The following TNXB variants were observed in gnomAD, a reference collection of about 807,000 sequenced individuals.
TNXB encodes tenascin XB, also known as tenascin-X.
TNXB carries 183 observed loss-of-function variants against 340.5 expected under a neutral mutation model. The observed-to-expected ratio is 0.54, with a 90% CI of 0.48 to 0.61. The LOEUF (loss-of-function observed/expected upper bound fraction) is 0.61. Ranked by LOEUF, TNXB falls within the 20% of genes least tolerant of loss-of-function variation. TNXB has a pLI of 0.00. For synonymous variants in TNXB, 2,121 were observed against 2,314.5 expected, an observed-to-expected ratio of 0.92 and a Z score of 2.40; for missense variants, 4,613 against 5,446.4, an observed-to-expected ratio of 0.85 and a Z score of 4.82.
chr6:32,092,699 A>C (rs1357454170), intron 4 of TNXB, among the ~76,000 whole-genome samples: 4 of 152,042 alleles, frequency 2.6e-5, no homozygotes, highest in African/African-American at 9.7e-5. Flanking sequence ...TCAAAAAAAA[A>C]AAAAAAGAAA....
Position 32,100,780 on chromosome 6 carries a change from CATT to C in TNXB, c.-8-2577_-8-2575del, listed in dbSNP as rs576805151. Among the ~76,000 whole-genome samples, 15 of 151,898 alleles carry C rather than the reference CATT, an allele frequency of 9.9e-5. No homozygotes were observed. In the East Asian group the frequency reaches 2.5e-3, roughly 25 times the overall value. ...AAAATTTCAGGTCATCAAATTACAT[CATT>C]AAGAGAATAAGAAGGCAGCTGGGTG... On this transcript the variant is annotated intron_variant, in intron 1 of 43. Transcript: ENST00000644971.
intron 1 of TNXB, among the ~76,000 whole-genome samples, chr6:32,106,271 AG>A (rs918936043): frequency 1.8e-4 from 28 of 151,906 alleles, no homozygotes; most frequent in Non-Finnish European, 2.8e-4. Flanking sequence ...GAAAGGTGGT[AG>A]GGGGGTCCCA....
At position 32,079,058 on chromosome 6, in the gene TNXB, G is replaced by A; in HGVS notation, c.4350C>T (p.Gly1450=). 1 of 1,612,874 alleles carries A rather than the reference G, an allele frequency of 6.2e-7. No individual in the cohort carries two copies. Among genetic ancestry groups the A allele is most frequent in the Non-Finnish European group, 8.5e-7 (1 of 1,179,596 alleles). Residue 1450 remains glycine (G), a synonymous_variant, in exon 11 of 44, where the codon GGC becomes GGT. Coordinates refer to ENST00000644971, the MANE Select transcript of TNXB (RefSeq NM_001365276.2). The surrounding 1 kb of genome is among the most constrained non-coding windows in gnomAD (Gnocchi z 7.1). ...LYGLHEGQRV[G]PVSAVGVTAP... ...CTGTCACGCCCACGGCGGACACCGG[G>A]CCCACGCGCTGCCCCTCGTGGAGGC...
At chr6:32,065,548 C>T (rs1778292087) in intron 18 of TNXB, among the ~76,000 whole-genome samples, 1 of 152,210 alleles carries the variant, frequency 6.6e-6, no homozygotes, top group Non-Finnish European at 1.5e-5. Flanking sequence ...TGTAGCACTA[C>T]CTGGATACTT....
chr6:32,061,704 G>A lies in TNXB; in HGVS notation c.7185C>T (p.Thr2395=). 6.2e-7 allele frequency: 1 copy of A among 1,611,382 alleles called. No homozygotes were observed. Among genetic ancestry groups the A allele is most frequent in the Non-Finnish European group, 8.5e-7 (1 of 1,178,824 alleles). ...AIGVTAAEEE[T]PSPTEPSMEA... ...CCATGCTGGGTTCTGTGGGGCTGGG[G>A]GTCTCTTCCTCTGCAGCTGAGAAAA... Residue 2395 remains threonine, a synonymous_variant, in exon 21 of 44, where the codon ACC becomes ACT. Coordinates refer to ENST00000644971, the MANE Select transcript of TNXB (RefSeq NM_001365276.2). This position sits in a 1 kb window ranked among gnomAD's most constrained non-coding sequence, Gnocchi z 4.4.
chr6:32,082,735 G>A lies in TNXB; in HGVS notation c.3446-409C>T, dbSNP rs1041467198. ...AACTACTAGCTGGCTTCTTCTCCAA[G>A]AGAGGAGAGCACAATCCTTGAAGCG... is the stretch of plus-strand genomic sequence containing the variant. On this transcript the variant is annotated intron_variant, in intron 8 of 43. Transcript: ENST00000644971. This position sits in a 1 kb window ranked among gnomAD's most constrained non-coding sequence, Gnocchi z 5.0. 5.9e-5 allele frequency among the ~76,000 whole-genome samples: 9 copies of A among 152,112 alleles called. No homozygotes were observed. The highest frequency in any genetic ancestry group is 1.4e-4 in the African/African-American group (6 of 41,408).
Position 32,049,385 on chromosome 6 carries a change from G to A in TNXB, c.9642C>T (p.Gly3214=), listed in dbSNP as rs1192399860. 5 of 1,612,390 alleles carry A rather than the reference G, an allele frequency of 3.1e-6. No homozygotes were observed. Among genetic ancestry groups the A allele is most frequent in the South Asian group, 2.2e-5 (2 of 91,018 alleles). ...DGQPQVVRVR[G]EESEVTVGGL... is the part of the protein sequence containing the mutation. ...CCCCCACGGTGACCTCGCTCTCCTC[G>A]CCCCTGACACGCACCACCTGGGGCT... is the stretch of plus-strand genomic sequence containing the variant. Residue 3214 remains glycine (G), a synonymous_variant, in exon 28 of 44, where the codon GGC becomes GGT. Transcript: ENST00000644971. This position sits in a 1 kb window ranked among gnomAD's most constrained non-coding sequence, Gnocchi z 4.5.
In TNXB at chr6:32,068,745, AGGGTATCCGC is replaced by A; in HGVS notation, c.5903-48_5903-39del. ...ATGGAAAGAGAGGACTGAGGTGGGCAGGGTATCCGCGGGACTCTGCTGTCCTCTGGACTCT... is the reference window on the plus strand; with the variant it reads ...ATGGAAAGAGAGGACTGAGGTGGGCAGGGACTCTGCTGTCCTCTGGACTCT... On this transcript the variant is annotated intron_variant, in intron 16 of 43. Coordinates refer to ENST00000644971, the MANE Select transcript of TNXB (RefSeq NM_001365276.2). This position sits in a 1 kb window ranked among gnomAD's most constrained non-coding sequence, Gnocchi z 5.3. 6.2e-7 allele frequency: 1 copy of A among 1,602,510 alleles called. No homozygotes were observed. Among genetic ancestry groups the A allele is most frequent in the Non-Finnish European group, 8.5e-7 (1 of 1,172,666 alleles).
At position 32,052,595 on chromosome 6, in the gene TNXB, T is replaced by G. The variant is rs1777346634; in HGVS notation, c.9115+75A>C. The G allele has an allele frequency of 6.4e-7, 1 of 1,558,592 alleles. No homozygotes were observed. Among genetic ancestry groups the G allele is most frequent in the South Asian group, 1.2e-5 (1 of 86,058 alleles). On this transcript the variant is annotated intron_variant, in intron 26 of 43. Transcript: ENST00000644971. This position sits in a 1 kb window ranked among gnomAD's most constrained non-coding sequence, Gnocchi z 4.7. ...GGAAGGAATACTCTTCAGAGTATGTTTTCACGAAGACTGGAGAGACAGCAG... is the reference window on the plus strand; with the variant it reads ...GGAAGGAATACTCTTCAGAGTATGTGTTCACGAAGACTGGAGAGACAGCAG...
In TNXB at chr6:32,041,361, C is replaced by A. The variant is rs752125036; in HGVS notation, c.12723G>T (p.Ala4241=). The change falls in exon 44 of 44, where the codon GCG becomes GCT. Residue 4241 remains alanine (A), a synonymous_variant. Coordinates refer to ENST00000644971, the MANE Select transcript of TNXB (RefSeq NM_001365276.2). ...GGTGGGCAGCAGCTCAGCCTCCCCCCGCTGGGGAGCGAAAGTTTCTTGGTC... is the reference window on the plus strand; with the variant it reads ...GGTGGGCAGCAGCTCAGCCTCCCCCAGCTGGGGAGCGAAAGTTTCTTGGTC... The part of the protein sequence containing the change: ...KLRPRNFRSP[A]GGG 8 of 980,040 alleles carry A rather than the reference C, an allele frequency of 8.2e-6. No homozygotes were observed. The highest frequency in any genetic ancestry group is 2.6e-5 in the East Asian group (1 of 38,446). 60.7% of individuals were successfully genotyped at this position (980,040 alleles called of 1,614,324 possible).
In TNXB at chr6:32,061,252, G is replaced by T; in HGVS notation, c.7492+145C>A. The T allele has an allele frequency of 3.9e-6, 5 of 1,288,858 alleles. No homozygotes were observed. The highest frequency in any genetic ancestry group is 5.3e-6 in the Non-Finnish European group (5 of 946,348). 79.8% of individuals were successfully genotyped at this position (1,288,858 alleles called of 1,614,324 possible). On this transcript the variant is annotated intron_variant, in intron 21 of 43. Transcript: ENST00000644971. The surrounding 1 kb of genome is among the most constrained non-coding windows in gnomAD (Gnocchi z 4.4). ...GCCAAAGTGAACAAGCAAACCGCTA[G>T]CATAGGCCACAGCCACAGGGCACAG...
Position 32,108,494 on chromosome 6 carries a change from G to A in TNXB, c.-9+687C>T, listed in dbSNP as rs564120959. Among the ~76,000 whole-genome samples the A allele has an allele frequency of 2.6e-5, 4 of 152,234 alleles. No homozygotes were observed. Among genetic ancestry groups the A allele is most frequent in the African/African-American group, 7.2e-5 (3 of 41,542 alleles). The stretch of plus-strand genomic sequence containing the variant: ...TCAGCCATCCCAGCCCTGCTGAACC[G>A]TGAGTCATGAGTGCAGAGCTCTGGC... On this transcript the variant is annotated intron_variant, in intron 1 of 43. Coordinates refer to ENST00000644971, the MANE Select transcript of TNXB (RefSeq NM_001365276.2). This position sits in a 1 kb window ranked among gnomAD's most constrained non-coding sequence, Gnocchi z 4.8.
rs754235326 is a variant in TNXB, at chr6:32,070,184, G to A, written c.5221C>T (p.Leu1741Phe). The A allele has an allele frequency of 1.9e-6, 3 of 1,611,100 alleles. No individual in the cohort carries two copies. Among genetic ancestry groups the A allele is most frequent in the Non-Finnish European group, 2.5e-6 (3 of 1,178,784 alleles). The change falls in exon 14 of 44, where the codon CTC (leucine) becomes TTC (phenylalanine). Residue 1741 changes from leucine to phenylalanine, a missense_variant. Coordinates refer to ENST00000644971, the MANE Select transcript of TNXB (RefSeq NM_001365276.2). The surrounding 1 kb of genome is among the most constrained non-coding windows in gnomAD (Gnocchi z 6.0). The part of the protein sequence containing the change: ...LDAGRKYRFL[L>F]YGLLGKKRHG... ...CGCTTCTTGCCCAGGAGGCCATAGAGGAGGAATCTGTACTTGCGGCCGGCA... is the reference window on the plus strand; with the variant it reads ...CGCTTCTTGCCCAGGAGGCCATAGAAGAGGAATCTGTACTTGCGGCCGGCA...
intron 18 of TNXB, among the ~76,000 whole-genome samples, chr6:32,066,809 C>A (rs1778362359): frequency 6.6e-6 from 1 of 152,230 alleles, no homozygotes; most frequent in Non-Finnish European, 1.5e-5. Flanking sequence ...TGTGGCGGCT[C>A]ACGCCTGGAA....
chr6:32,090,647 C>A lies in TNXB; in HGVS notation c.2359-1268G>T, dbSNP rs551987296. On this transcript the variant is annotated intron_variant, in intron 4 of 43. Coordinates refer to ENST00000644971, the MANE Select transcript of TNXB (RefSeq NM_001365276.2). The surrounding 1 kb of genome is among the most constrained non-coding windows in gnomAD (Gnocchi z 4.3). ...AGTATAAAACCAGATGAGAAGGCCA[C>A]GTAGAGATTTCTGGGTTGAGGATGA... 6.6e-6 allele frequency among the ~76,000 whole-genome samples: 1 copy of A among 152,260 alleles called. No homozygotes were observed. Among genetic ancestry groups the A allele is most frequent in the African/African-American group, 2.4e-5 (1 of 41,544 alleles).
rs61731831 is a variant in TNXB at position 32,058,370 on chromosome 6, C to T, written c.7513G>A (p.Glu2505Lys). 4.4e-5 allele frequency: 70 copies of T among 1,606,046 alleles called. No individual in the cohort carries two copies. The highest frequency in any genetic ancestry group is 2.2e-5 in the South Asian group (2 of 90,756). The change falls in exon 22 of 44, where the codon GAG (glutamate) becomes AAG (lysine). Residue 2505 changes from glutamate (E) to lysine (K), a missense_variant. By Grantham distance (56) the Glu-to-Lys change is moderately conservative. This residue lies in a region of TNXB where 4,327 missense variants were observed against 4,859.4 expected (regional missense o/e 0.89). Coordinates refer to ENST00000644971, the MANE Select transcript of TNXB (RefSeq NM_001365276.2). The surrounding 1 kb of genome is among the most constrained non-coding windows in gnomAD (Gnocchi z 5.1). ...GVTAPQEDVDETPSPTEPGTE... is the reference protein window; with the variant it reads ...GVTAPQEDVDKTPSPTEPGTE... ...CCTGGTTCTGTAGGGCTGGGGGTCT[C>T]GTCCACATCCTCTTGTGGGGCTGAA...
Position 32,046,198 on chromosome 6 carries a change from G to A in TNXB, c.10583C>T (p.Pro3528Leu), listed in dbSNP as rs201589523. The A allele has an allele frequency of 7.8e-4, 1,242 of 1,588,456 alleles. 12 individuals are homozygous for A. In the African/African-American group the frequency reaches 0.013, roughly 17 times the overall value. ...YGLLGGKRLG[P>L]VSALGMTAPE... Reference sequence around the variant, plus strand: ...ACCTGTCATTCCCAGGGCAGAGACCGGGCCCAGGCGCTTTCCCCCAAGGAG... The same window carrying A: ...ACCTGTCATTCCCAGGGCAGAGACCAGGCCCAGGCGCTTTCCCCCAAGGAG... Residue 3528 changes from proline to leucine, a missense_variant, in exon 31 of 44, where the codon CCG (proline) becomes CTG (leucine). Transcript: ENST00000644971. This position sits in a 1 kb window ranked among gnomAD's most constrained non-coding sequence, Gnocchi z 6.9.
At position 32,089,245 on chromosome 6, in the gene TNXB, A is replaced by G. The variant is rs1779966929; in HGVS notation, c.2493T>C (p.Pro831=). The change falls in exon 5 of 44, where the codon CCT becomes CCC. Residue 831 remains proline, a synonymous_variant. Transcript: ENST00000644971. This position sits in a 1 kb window ranked among gnomAD's most constrained non-coding sequence, Gnocchi z 6.2. ...CACTGGTGGTGATGGTCTTGGAGGC[A>G]GGAAGGCCCCAGCTGGTCCCTCGAA... is the stretch of plus-strand genomic sequence containing the variant. ...RALRGTSWGL[P]ASKTITTMID... is the part of the protein sequence containing the mutation. 1 of 1,604,166 alleles carries G rather than the reference A, an allele frequency of 6.2e-7. No homozygotes were observed. Among genetic ancestry groups the G allele is most frequent in the African/African-American group, 1.3e-5 (1 of 74,830 alleles).
chr6:32,069,224 G>A lies in TNXB; in HGVS notation c.5588-88C>T, dbSNP rs1459566287. ...GGAGTGAGGGAGGAGAGGGAGTGAG[G>A]GCAAGCAGTCAGCAATCGAAAGACC... is the stretch of plus-strand genomic sequence containing the variant. On this transcript the variant is annotated intron_variant, in intron 15 of 43. Transcript: ENST00000644971. This position sits in a 1 kb window ranked among gnomAD's most constrained non-coding sequence, Gnocchi z 6.2. 7.5e-7 allele frequency: 1 copy of A among 1,341,776 alleles called. No individual in the cohort carries two copies. Among genetic ancestry groups the A allele is most frequent in the Non-Finnish European group, 1.0e-6 (1 of 994,362 alleles). 83.1% of individuals were successfully genotyped at this position (1,341,776 alleles called of 1,614,324 possible). A position where few individuals can be genotyped will look rare whatever the true frequency, so the allele number is the denominator to read the frequency against.
Sources: allele counts gnomAD v4.1 joint callset (sites outside exome capture counted in the v4.1 genomes callset), GRCh38; gene constraint gnomAD v4.1.1; regional missense constraint gnomAD v4.1.1; non-coding constraint Gnocchi (gnomAD v3.1); transcripts MANE v1.5; gene names NCBI Gene and HGNC (gene_info 2026-07-23, HGNC 2026-07-21).